The following REST variants were observed in gnomAD, a reference collection of about 807,000 sequenced individuals.
REST encodes the protein RE1-silencing transcription factor.
In REST, 1 loss-of-function variant was observed where a neutral mutation model predicts 30.4. The ratio of observed to expected loss-of-function variants is 0.03; its 90% CI spans 0.01 to 0.16. The LOEUF (loss-of-function observed/expected upper bound fraction) is 0.16, where lower values mean the gene tolerates loss of function less well. REST is among the 10% of genes least tolerant of loss of function. The pLI is 1.00. For synonymous variants in REST, 504 were observed against 451.1 expected, an observed-to-expected ratio of 1.12 and a Z score of -1.49; for missense variants, 1,259 against 1,329.5, an observed-to-expected ratio of 0.95 and a Z score of 0.82.
chr4:56,926,870 G>T (rs1306756845), intron 3 of REST, among the ~76,000 whole-genome samples: 1 of 151,908 alleles, frequency 6.6e-6, no homozygotes, highest in African/African-American at 2.4e-5. Flanking sequence ...GCCGAGGAGG[G>T]TGGATCACCT....
chr4:56,917,787 C>A (rs1349891541), intron 2 of REST, among the ~76,000 whole-genome samples: 1 of 152,114 alleles, frequency 6.6e-6, no homozygotes. Flanking sequence ...TGTGGCGGCT[C>A]ATGCCTGTAA....
intron 3 of REST, among the ~76,000 whole-genome samples, chr4:56,926,046 T>C (rs752337578): frequency 1.3e-5 from 2 of 152,184 alleles, no homozygotes; most frequent in Non-Finnish European, 2.9e-5. Context: ...ACAGGATACG[T>C]AAGAGTCTTC....
At position 56,935,506 on chromosome 4, in the gene REST, A is replaced by G. The variant is rs764706277; in HGVS notation, c.*3354A>G. 1 of 152,224 alleles carries G rather than the reference A, an allele frequency of 6.6e-6. No homozygotes were observed. The highest frequency in any genetic ancestry group is 1.5e-5 in the Non-Finnish European group (1 of 68,038). The allele number at this position is 152,224 out of a possible 1,614,324, so 9.4% of individuals were successfully genotyped here. ...TCCCTTCCATATCCATTAGTTATTG[A>G]ACTTTCTAAACTGGCATTGAAACAT... On this transcript the variant is annotated 3_prime_UTR_variant, in exon 4 of 4. Transcript: ENST00000309042.
intron 2 of REST, 84 bp from the exon 3 acceptor site, chr4:56,919,703 C>CT: frequency 1.3e-6 from 1 of 760,808 alleles, no homozygotes; most frequent in Non-Finnish European, 2.2e-6. Context: ...GTGCTGAGCG[C>CT]TGAACATTGT....
chr4:56,915,955 C>T (rs545290954), intron 2 of REST, among the ~76,000 whole-genome samples: 2 of 152,262 alleles, frequency 1.3e-5, no homozygotes, highest in African/African-American at 2.4e-5. Flanking sequence ...TCATTTATAG[C>T]CGTTCCACGA....
chr4:56,922,034 A>G (rs1171958481), intron 3 of REST, among the ~76,000 whole-genome samples: 1 of 152,148 alleles, frequency 6.6e-6, no homozygotes, highest in Admixed American at 6.6e-5. Flanking sequence ...GGTGTCCTGT[A>G]GTATAGTTGC....
intron 2 of REST, among the ~76,000 whole-genome samples, chr4:56,916,644 AAT>A (rs1208288368): frequency 2.0e-5 from 3 of 152,240 alleles, no homozygotes; most frequent in African/African-American, 7.2e-5. Flanking sequence ...CTCAAAAAAA[AAT>A]AATAATAAAA....
chr4:56,930,873 C>G lies in REST; in HGVS notation c.2015C>G (p.Pro672Arg). ...AAGGAGCTGCTGCCTCCCGTGGAGC[C>G]TGCTCAGATGGTGGGTGCCCAAATT... Reference protein sequence around the residue: ...AQKELLPPVEPAQMVGAQIVL... With the variant: ...AQKELLPPVERAQMVGAQIVL... Residue 672 changes from proline to arginine, a missense_variant, in exon 4 of 4, where the codon CCT becomes CGT. Pro to Arg is a moderately radical substitution (Grantham distance 103, BLOSUM62 -2). Around this residue, in one of 5 missense-constraint regions of REST, gnomAD observed 856 missense variants for 772.8 expected, o/e 1.11. Coordinates refer to ENST00000309042, the MANE Select transcript of REST (RefSeq NM_005612.5). 11 of 1,614,024 alleles carry G rather than the reference C, an allele frequency of 6.8e-6. No homozygotes were observed. Among genetic ancestry groups the G allele is most frequent in the Non-Finnish European group, 8.5e-6 (10 of 1,179,960 alleles).
rs149376899 is a variant in REST at position 56,922,074 on chromosome 4, C to T, written c.982+2204C>T. 5.5e-4 allele frequency among the ~76,000 whole-genome samples: 84 copies of T among 152,146 alleles called. 1 individual carries two copies. In the South Asian group the frequency reaches 0.014, roughly 26 times the overall value. Reference sequence around the variant, plus strand: ...CTTTCTTGACCCTACGTGCTTGTCACGCTAATGTACTTTGAGTGTTTTTTT... The same window carrying T: ...CTTTCTTGACCCTACGTGCTTGTCATGCTAATGTACTTTGAGTGTTTTTTT... On this transcript the variant is annotated intron_variant, in intron 3 of 3. Transcript: ENST00000309042.
At chr4:56,920,102 A>C in intron 3 of REST, 1 of 323,192 alleles carries the variant, frequency 3.1e-6, no homozygotes, top group Non-Finnish European at 5.6e-6. Context: ...GAGGGGCCTT[A>C]ATTCTCATCA....
At chr4:56,910,340 G>A (rs1435796888) in intron 1 of REST, among the ~76,000 whole-genome samples, 1 of 152,194 alleles carries the variant, frequency 6.6e-6, no homozygotes, top group East Asian at 1.9e-4. Flanking sequence ...ACAATTAAAA[G>A]TGCTTGAGGA....
In REST at chr4:56,933,638, G is replaced by A. The variant is rs1560455168; in HGVS notation, c.*1486G>A. On this transcript the variant is annotated 3_prime_UTR_variant, in exon 4 of 4. Transcript: ENST00000309042. ...CCTCAAATGAATTGCAGCTATCCTG[G>A]TGTTCCTATGAGGGCACTTTGTATG... The A allele has an allele frequency of 6.6e-6, 1 of 152,122 alleles. No homozygotes were observed. Among genetic ancestry groups the A allele is most frequent in the South Asian group, 2.1e-4 (1 of 4,824 alleles). The allele number at this position is 152,122 out of a possible 1,614,324, so 9.4% of individuals were successfully genotyped here.
rs929743622 is a variant in REST at position 56,934,829 on chromosome 4, G to A, written c.*2677G>A. On this transcript the variant is annotated 3_prime_UTR_variant, in exon 4 of 4. Coordinates refer to ENST00000309042, the MANE Select transcript of REST (RefSeq NM_005612.5). ...AATTAGTGATAAACTTGAAATACTAGCATATATTATAAGCCTTAATCTTAG... is the reference window on the plus strand; with the variant it reads ...AATTAGTGATAAACTTGAAATACTAACATATATTATAAGCCTTAATCTTAG... The A allele has an allele frequency of 1.6e-4, 24 of 152,142 alleles. No homozygotes were observed. The highest frequency in any genetic ancestry group is 2.4e-4 in the Non-Finnish European group (16 of 68,026). The allele number at this position is 152,142 out of a possible 1,614,324, so 9.4% of individuals were successfully genotyped here. A position where few individuals can be genotyped will look rare whatever the true frequency, so the allele number is the denominator to read the frequency against.
intron 3 of REST, among the ~76,000 whole-genome samples, chr4:56,929,528 A>G (rs1720870098): frequency 6.6e-6 from 1 of 152,176 alleles, no homozygotes; most frequent in Admixed American, 6.5e-5. Flanking sequence ...TATTCCTCCA[A>G]ATTAACATCC....
intron 2 of REST, among the ~76,000 whole-genome samples, chr4:56,917,419 G>A (rs1018833671): frequency 5.3e-5 from 8 of 152,094 alleles, no homozygotes; most frequent in Non-Finnish European, 1.0e-4. Context: ...CGGCCTTCTG[G>A]GCTCAAATGA....
At chr4:56,925,616 A>G (rs1256576629) in intron 3 of REST, among the ~76,000 whole-genome samples, 2 of 152,230 alleles carry the variant, frequency 1.3e-5, no homozygotes, top group Non-Finnish European at 2.9e-5. Flanking sequence ...GGCATAAAAC[A>G]GACAATTGGT....
chr4:56,912,645 G>C, intron 2 of REST, among the ~76,000 whole-genome samples: 1 of 152,122 alleles, frequency 6.6e-6, no homozygotes, highest in East Asian at 1.9e-4. Flanking sequence ...CTCCTGAGTG[G>C]CTGGGACTAT....
chr4:56,911,106 C>G lies in REST; in HGVS notation c.468C>G (p.Thr156=). 1 of 1,614,198 alleles carries G rather than the reference C, an allele frequency of 6.2e-7. No homozygotes were observed. The highest frequency in any genetic ancestry group is 8.5e-7 in the Non-Finnish European group (1 of 1,180,048). Residue 156 remains threonine, a synonymous_variant, in exon 2 of 4, where the codon ACC becomes ACG. Coordinates refer to ENST00000309042, the MANE Select transcript of REST (RefSeq NM_005612.5). ...GAEDKGKSSK[T]KPFRCKPCQY... The stretch of plus-strand genomic sequence containing the variant: ...AGGACAAAGGCAAGAGCTCGAAGAC[C>G]AAACCCTTTCGCTGTAAGCCATGCC...
Position 56,932,728 on chromosome 4 carries a change from T to G in REST, c.*576T>G, listed in dbSNP as rs1326184033. 1 of 152,152 alleles carries G rather than the reference T, an allele frequency of 6.6e-6. No homozygotes were observed. Among genetic ancestry groups the G allele is most frequent in the Non-Finnish European group, 1.5e-5 (1 of 68,030 alleles). 9.4% of individuals were successfully genotyped at this position (152,152 alleles called of 1,614,324 possible). A position where few individuals can be genotyped will look rare whatever the true frequency, so the allele number is the denominator to read the frequency against. ...TGTATGTTAATCGTCATAAAAACAG[T>G]GATTTTGGTGTGTTTTTTATTTTGG... On this transcript the variant is annotated 3_prime_UTR_variant, in exon 4 of 4. Transcript: ENST00000309042.
Sources: allele counts gnomAD v4.1 joint callset (sites outside exome capture counted in the v4.1 genomes callset), GRCh38; gene constraint gnomAD v4.1.1; regional missense constraint gnomAD v4.1.1; transcripts MANE v1.5; gene names NCBI Gene and HGNC (gene_info 2026-07-23, HGNC 2026-07-21).